Variants in TIMELESS observed in about 807,000 individuals in gnomAD.
TIMELESS encodes timeless circadian regulator, also known as protein timeless homolog.
A neutral mutation model predicts 164.3 loss-of-function variants in TIMELESS; 124 were observed. The ratio of observed to expected loss-of-function variants is 0.75; its 90% CI spans 0.65 to 0.88. The LOEUF is 0.88. TIMELESS is among the 40% of genes least tolerant of loss of function. TIMELESS has a pLI of 0.00. For synonymous variants in TIMELESS, 564 were observed against 563.4 expected (o/e 1.00, Z -0.02); for missense variants, 1,422 against 1,491.4 (o/e 0.95, Z 0.77).
In TIMELESS at chr12:56,449,387, G is replaced by C. The variant is rs1011613040; in HGVS notation, c.-139C>G. ...GGGGCCGCAGCCTTTCCGCCACCAG[G>C]CTCAGCTGGACCGGTCCCCGCCTGC... On this transcript the variant is annotated 5_prime_UTR_variant, in exon 1 of 29. Coordinates refer to ENST00000553532, the MANE Select transcript of TIMELESS (RefSeq NM_003920.5). 2 of 152,254 alleles carry C rather than the reference G, an allele frequency of 1.3e-5. 1 individual carries two copies. Among genetic ancestry groups the C allele is most frequent in the African/African-American group, 4.8e-5 (2 of 41,466 alleles). 9.4% of individuals were successfully genotyped at this position (152,254 alleles called of 1,614,324 possible).
chr12:56,440,000 C>T (rs1868252399), intron 1 of TIMELESS, among the ~76,000 whole-genome samples: 1 of 152,170 alleles, frequency 6.6e-6, no homozygotes, highest in Admixed American at 6.6e-5. Context: ...AGTTACTTTT[C>T]CTACTCAACT....
chr12:56,435,951 TCC>T (rs1454778747), intron 1 of TIMELESS, among the ~76,000 whole-genome samples: 1 of 121,790 alleles, frequency 8.2e-6, no homozygotes, highest in Non-Finnish European at 1.6e-5. Flanking sequence ...AGAGCGAGAC[TCC>T]GTCTTAAAAA....
intron 1 of TIMELESS, among the ~76,000 whole-genome samples, chr12:56,442,729 A>G (rs1868293987): frequency 6.6e-6 from 1 of 152,204 alleles, no homozygotes; most frequent in South Asian, 2.1e-4. Flanking sequence ...GATATAAGAT[A>G]GATGATGTTG....
chr12:56,419,691 T>C (rs1360526741), intron 26 of TIMELESS, among the ~76,000 whole-genome samples: 1 of 151,930 alleles, frequency 6.6e-6, no homozygotes, highest in African/African-American at 2.4e-5. Flanking sequence ...GAACCATCAA[T>C]GGCTCTGGAC....
chr12:56,440,132 CCTT>C (rs1184062806), intron 1 of TIMELESS, among the ~76,000 whole-genome samples: 1 of 125,192 alleles, frequency 8.0e-6, no homozygotes, highest in Non-Finnish European at 1.6e-5. Context: ...TTCAAATTAA[CCTT>C]TTTTTTTTTT....
At chr12:56,445,392 A>T (rs1378483692) in intron 1 of TIMELESS, among the ~76,000 whole-genome samples, 2 of 124,172 alleles carry the variant, frequency 1.6e-5, no homozygotes, top group Middle Eastern at 4.9e-3. Flanking sequence ...ATTGCACTCC[A>T]GCCTGGGAAA....
At position 56,433,010 on chromosome 12, in the gene TIMELESS, C is replaced by T; in HGVS notation, c.531+16G>A. 1 of 1,425,516 alleles carries T rather than the reference C, an allele frequency of 7.0e-7. No homozygotes were observed. The highest frequency in any genetic ancestry group is 9.8e-7 in the Non-Finnish European group (1 of 1,020,904). 88.3% of individuals were successfully genotyped at this position (1,425,516 alleles called of 1,614,324 possible). On this transcript the variant is annotated intron_variant, in intron 6 of 28. Coordinates refer to ENST00000553532, the MANE Select transcript of TIMELESS (RefSeq NM_003920.5). ...CCTAACCATGCACAAGAACACAGAACACCCAAGACCCTCACCTTCTCCTGA... is the reference window on the plus strand; with the variant it reads ...CCTAACCATGCACAAGAACACAGAATACCCAAGACCCTCACCTTCTCCTGA...
intron 1 of TIMELESS, among the ~76,000 whole-genome samples, chr12:56,445,359 T>C (rs192581671): frequency 1.2e-3 from 138 of 116,928 alleles, no homozygotes; most frequent in African/African-American, 4.2e-3. Context: ...GAGGTGGAGG[T>C]TGCGGTGAGC....
Position 56,421,970 on chromosome 12 carries a change from A to G in TIMELESS, c.2571T>C (p.Pro857=). Residue 857 remains proline, a synonymous_variant, in exon 21 of 29, where the codon CCT becomes CCC. Coordinates refer to ENST00000553532, the MANE Select transcript of TIMELESS (RefSeq NM_003920.5). ...EAILAHLNTV[P]RTRKQIIHHL... The stretch of plus-strand genomic sequence containing the variant: ...GGTGGATGATCTGCTTGCGTGTTCG[A>G]GGAACAGTATTCAGGTGGGCCAAGA... 8 of 1,614,102 alleles carry G rather than the reference A, an allele frequency of 5.0e-6. No homozygotes were observed. The highest frequency in any genetic ancestry group is 6.8e-6 in the Non-Finnish European group (8 of 1,180,002).
intron 1 of TIMELESS, among the ~76,000 whole-genome samples, chr12:56,436,903 T>C (rs73113077): frequency 0.1 from 15,824 of 152,162 alleles, 1,058 homozygotes; most frequent in Non-Finnish European, 0.14. Context: ...GTGCCTAGAA[T>C]AGAGCTTGGC....
At chr12:56,437,140 A>C (rs756134664) in intron 1 of TIMELESS, among the ~76,000 whole-genome samples, 1 of 151,968 alleles carries the variant, frequency 6.6e-6, no homozygotes, top group African/African-American at 2.4e-5. Flanking sequence ...TATTGGCCAG[A>C]TGTGTCTTGA....
chr12:56,420,101 A>T (rs1031980436), intron 26 of TIMELESS, among the ~76,000 whole-genome samples: 2 of 146,170 alleles, frequency 1.4e-5, no homozygotes, highest in Non-Finnish European at 3.0e-5. Context: ...AAATGTATAT[A>T]TATATATTTA....
In TIMELESS at chr12:56,430,135, G is replaced by A. The variant is rs1466104841; in HGVS notation, c.1056C>T (p.Asn352=). ...LRDFCSEFLE[N]CYNRLMGSVK... ...CTGATCCCATGAGCCGGTTGTAACA[G>A]TTCTCCAGGAACTCAGAGCAGAAGT... Residue 352 remains asparagine (N), a synonymous_variant, in exon 10 of 29, where the codon AAC becomes AAT. Transcript: ENST00000553532. 1 of 1,613,690 alleles carries A rather than the reference G, an allele frequency of 6.2e-7. No homozygotes were observed. The highest frequency in any genetic ancestry group is 1.7e-5 in the Admixed American group (1 of 59,898).
Position 56,424,834 on chromosome 12 carries a change from G to C in TIMELESS, c.1796C>G (p.Ala599Gly). ...GAGACAGTCTTGGATCCGTACCATA[G>C]CTTCTGCCCGCTGCTCCTCCACTGG... ...EVPVEEQRAE[A>G]MVRIQDCLLA... The change falls in exon 15 of 29, where the codon GCT (alanine) becomes GGT (glycine). Residue 599 changes from alanine to glycine, a missense_variant. Ala to Gly is a moderately conservative substitution (Grantham distance 60). Coordinates refer to ENST00000553532, the MANE Select transcript of TIMELESS (RefSeq NM_003920.5). 1 of 1,614,234 alleles carries C rather than the reference G, an allele frequency of 6.2e-7. No homozygotes were observed. The highest frequency in any genetic ancestry group is 1.3e-5 in the African/African-American group (1 of 75,062).
At chr12:56,422,776 G>C in intron 19 of TIMELESS, 71 bp downstream of exon 19, 14 of 1,498,410 alleles carry the variant, frequency 9.3e-6, no homozygotes, top group Non-Finnish European at 1.3e-5. Context: ...GCTCTTAACA[G>C]CTTTGACATT....
In TIMELESS at chr12:56,429,128, T is replaced by C. The variant is rs376009257; in HGVS notation, c.1087-28A>G. On this transcript the variant is annotated intron_variant, in intron 10 of 28. Coordinates refer to ENST00000553532, the MANE Select transcript of TIMELESS (RefSeq NM_003920.5). ...GACATTTAAAAAAGAAAAAAAAAGATCACCATGACTCCAGGGCTTCCAACT... is the reference window on the plus strand; with the variant it reads ...GACATTTAAAAAAGAAAAAAAAAGACCACCATGACTCCAGGGCTTCCAACT... 1.0e-5 allele frequency: 16 copies of C among 1,579,634 alleles called. No individual in the cohort carries two copies. The African/African-American group carries it at 1.5e-4, about 15-fold the overall frequency.
At chr12:56,447,455 G>T (rs191471994) in intron 1 of TIMELESS, among the ~76,000 whole-genome samples, 47 of 152,294 alleles carry the variant, frequency 3.1e-4, no homozygotes, top group African/African-American at 1.1e-3. Context: ...GAAGATGAGG[G>T]AGAAGAGTTT....
intron 12 of TIMELESS, 29 bp downstream of exon 12, chr12:56,428,520 T>C (rs1881752672): frequency 6.2e-7 from 1 of 1,611,352 alleles, no homozygotes; most frequent in Admixed American, 1.7e-5. Flanking sequence ...TGGGACAGGC[T>C]GGGATCGGGG....
chr12:56,428,194 T>A, intron 13 of TIMELESS, 42 bp downstream of exon 13: 1 of 1,522,598 alleles, frequency 6.6e-7, no homozygotes, highest in Non-Finnish European at 8.8e-7. Flanking sequence ...CTTCCTTGAC[T>A]CTCCCTTACA....
Sources: gnomAD v4.1 joint callset for allele counts (sites outside exome capture counted in the v4.1 genomes callset) on GRCh38, gnomAD v4.1.1 for gene constraint, MANE v1.5 for transcripts, NCBI Gene and HGNC (gene_info 2026-07-23, HGNC 2026-07-21) for gene names.